Variants in CCDC167 observed in about 807,000 individuals in gnomAD.
CCDC167 encodes coiled-coil domain containing 167, also known as coiled-coil domain-containing protein 167.
In CCDC167, 15 loss-of-function variants were observed where a neutral mutation model predicts 12.7. The ratio of observed to expected loss-of-function variants is 1.18; its 90% CI spans 0.79 to 1.81. The LOEUF (loss-of-function observed/expected upper bound fraction) is 1.81. Ranked by LOEUF, CCDC167 falls within the 40% of genes most tolerant of loss-of-function variation. CCDC167 has a pLI of 0.00. For synonymous variants in CCDC167, 52 were observed against 49.0 expected (o/e 1.06, Z -0.26); for missense variants, 121 against 120.1 (o/e 1.01, Z -0.03).
intron 1 of CCDC167, among the ~76,000 whole-genome samples, chr6:37,499,276 A>G (rs959958543): frequency 1.1e-4 from 16 of 152,228 alleles, no homozygotes; most frequent in African/African-American, 3.6e-4. Flanking sequence ...CCATTCAGTG[A>G]CATCACCAAT....
chr6:37,489,586 G>A (rs1257318243), intron 1 of CCDC167, among the ~76,000 whole-genome samples: 1 of 152,230 alleles, frequency 6.6e-6, no homozygotes, highest in African/African-American at 2.4e-5. Context: ...GGAACAGCCT[G>A]GGGGCGGTCT....
At chr6:37,489,480 G>T (rs1302741145) in intron 1 of CCDC167, among the ~76,000 whole-genome samples, 2 of 152,204 alleles carry the variant, frequency 1.3e-5, no homozygotes, top group Non-Finnish European at 2.9e-5. Context: ...CCTTCCCTGG[G>T]ACAAAGCTGG....
intron 3 of CCDC167, 69 bp from the exon 4 acceptor site, chr6:37,483,358 AACGAGTGGGTAC>A: frequency 9.7e-7 from 1 of 1,031,362 alleles, no homozygotes; most frequent in Non-Finnish European, 1.5e-6. Context: ...CTGCCTCTCC[AACGAGTGGGTAC>A]ACACTGCTGA....
intron 3 of CCDC167, 126 bp downstream of exon 3, chr6:37,484,683 TG>T: frequency 1.9e-6 from 2 of 1,054,584 alleles, no homozygotes; most frequent in Non-Finnish European, 2.9e-6. Flanking sequence ...CTGCAGCCTC[TG>T]GGGGCTGGTT....
intron 1 of CCDC167, among the ~76,000 whole-genome samples, chr6:37,493,749 T>C (rs1762060936): frequency 6.6e-6 from 1 of 152,146 alleles, no homozygotes; most frequent in Admixed American, 6.5e-5. Flanking sequence ...GACGTCAGGG[T>C]GGAAGGTTCA....
At chr6:37,492,598 C>CT (rs1244747646) in intron 1 of CCDC167, among the ~76,000 whole-genome samples, 2 of 152,240 alleles carry the variant, frequency 1.3e-5, no homozygotes, top group Non-Finnish European at 2.9e-5. Context: ...CTACTTGGGC[C>CT]TGATAAACCC....
At chr6:37,488,730 T>C (rs768858778) in intron 1 of CCDC167, among the ~76,000 whole-genome samples, 11 of 152,358 alleles carry the variant, frequency 7.2e-5, no homozygotes, top group Admixed American at 3.3e-4. Context: ...CTCAGTTGAC[T>C]CACGTGTAAA....
chr6:37,485,019 G>C (rs1761924147), intron 2 of CCDC167, 81 bp downstream of exon 2: 1 of 1,459,076 alleles, frequency 6.9e-7, no homozygotes, highest in African/African-American at 1.4e-5. Flanking sequence ...TCTGCCTCAG[G>C]CCTACTTTGG....
chr6:37,497,897 G>GA (rs1456843368), intron 1 of CCDC167, among the ~76,000 whole-genome samples: 8 of 151,758 alleles, frequency 5.3e-5, no homozygotes, highest in Admixed American at 2.6e-4. Flanking sequence ...ACATGAGAAT[G>GA]AAAAAAACAA....
intron 1 of CCDC167, among the ~76,000 whole-genome samples, chr6:37,498,670 C>T (rs1762127652): frequency 6.6e-6 from 1 of 152,028 alleles, no homozygotes; most frequent in African/African-American, 2.4e-5. Flanking sequence ...TACAAAAATA[C>T]AAAAATTAGC....
intron 1 of CCDC167, among the ~76,000 whole-genome samples, chr6:37,493,584 T>TG (rs1762058338): frequency 6.6e-6 from 1 of 152,252 alleles, no homozygotes; most frequent in African/African-American, 2.4e-5. Context: ...CGCTCTCGCC[T>TG]GGCAGCAGGT....
At chr6:37,493,824 T>C (rs974372575) in intron 1 of CCDC167, among the ~76,000 whole-genome samples, 1 of 152,258 alleles carries the variant, frequency 6.6e-6, no homozygotes, top group Non-Finnish European at 1.5e-5. Context: ...CACCTGCTCC[T>C]AGCCCTTGTC....
chr6:37,499,649 G>C lies in CCDC167; in HGVS notation c.42+173C>G, dbSNP rs143099064. ...CATCCGGCACCTCCTCGGGCTCCCTGTCCTCCGGGAACCCCGTGGGCCTTC... is the reference window on the plus strand; with the variant it reads ...CATCCGGCACCTCCTCGGGCTCCCTCTCCTCCGGGAACCCCGTGGGCCTTC... On this transcript the variant is annotated intron_variant, in intron 1 of 3. Coordinates refer to ENST00000373408, the MANE Select transcript of CCDC167 (RefSeq NM_138493.3). Among the ~76,000 whole-genome samples, 383 of 152,142 alleles carry C rather than the reference G, an allele frequency of 2.5e-3. 2 individuals are homozygous for C. Among genetic ancestry groups the C allele is most frequent in the African/African-American group, 8.7e-3 (362 of 41,486 alleles).
In CCDC167 at chr6:37,485,209, A is replaced by T. The variant is rs779558094; in HGVS notation, c.43-15T>A. 3.7e-6 allele frequency: 6 copies of T among 1,600,892 alleles called. No individual in the cohort carries two copies. The South Asian group carries it at 6.6e-5, about 18-fold the overall frequency. ...AGCCCATCGATCTGAAACAAAGGCC[A>T]CAGAGAGGTGGGCTGCCGAGGCTTC... On this transcript the variant is annotated splice_polypyrimidine_tract_variant and intron_variant, in intron 1 of 3. Coordinates refer to ENST00000373408, the MANE Select transcript of CCDC167 (RefSeq NM_138493.3).
chr6:37,492,312 G>A (rs977725156), intron 1 of CCDC167, among the ~76,000 whole-genome samples: 2 of 151,962 alleles, frequency 1.3e-5, no homozygotes, highest in Non-Finnish European at 2.9e-5. Flanking sequence ...TAAGCTTGCT[G>A]ATCTGGCTTC....
At chr6:37,490,356 CAG>C (rs1762002153) in intron 1 of CCDC167, among the ~76,000 whole-genome samples, 2 of 151,950 alleles carry the variant, frequency 1.3e-5, no homozygotes, top group Admixed American at 6.6e-5. Context: ...AGGGGAGACA[CAG>C]AGCACAAAGG....
Position 37,489,412 on chromosome 6 carries a change from G to A in CCDC167, c.43-4218C>T, listed in dbSNP as rs1761987010. Among the ~76,000 whole-genome samples the A allele has an allele frequency of 2.6e-5, 4 of 152,178 alleles. No homozygotes were observed. The South Asian group carries it at 8.3e-4, about 31-fold the overall frequency. ...CAGGGTAGATGTCAGAACAACAACA[G>A]GCCACAGGCCAGCTCGCTCCGCTTA... On this transcript the variant is annotated intron_variant, in intron 1 of 3. Coordinates refer to ENST00000373408, the MANE Select transcript of CCDC167 (RefSeq NM_138493.3).
intron 1 of CCDC167, among the ~76,000 whole-genome samples, chr6:37,494,804 A>ATTTTTTTTTTTTTT (rs1561799989): frequency 7.3e-4 from 33 of 44,902 alleles, no homozygotes; most frequent in African/African-American, 5.1e-3. Context: ...CCTACCTACA[A>ATTTTTTTTTTTTTT]ATTTTTTTTT....
intron 1 of CCDC167, among the ~76,000 whole-genome samples, chr6:37,489,354 C>T (rs1467535353): frequency 6.6e-6 from 1 of 152,212 alleles, no homozygotes; most frequent in Non-Finnish European, 1.5e-5. Flanking sequence ...TGGCCATTCC[C>T]AGTCCATGAA....
Sources: allele counts gnomAD v4.1 joint callset (sites outside exome capture counted in the v4.1 genomes callset), GRCh38; gene constraint gnomAD v4.1.1; transcripts MANE v1.5; gene names NCBI Gene and HGNC (gene_info 2026-07-23, HGNC 2026-07-21).